RANBP2: variants seen among roughly 807,000 people sequenced by gnomAD.
RANBP2 encodes the protein RAN binding protein 2.
RANBP2 carries 57 observed loss-of-function variants against 303.6 expected under a neutral mutation model. The observed-to-expected ratio is 0.19, with a 90% CI of 0.15 to 0.23. RANBP2 has a LOEUF of 0.23. Among genes scored for constraint, RANBP2 ranks in the 10% least tolerant of loss-of-function variants. The probability of loss-of-function intolerance (pLI) is 1.00; values close to 1 mark genes in which losing one functional copy is unlikely to be tolerated. For missense variants in RANBP2, 3,138 were observed against 3,780.8 expected (o/e 0.83, Z 4.46); for synonymous variants, 1,167 against 1,301.5 (o/e 0.90, Z 2.23).
chr2:109,739,948 T>G, the RANBP2 span, among the ~76,000 whole-genome samples: 1 of 149,886 alleles, frequency 6.7e-6, no homozygotes, highest in Non-Finnish European at 1.5e-5. Flanking sequence ...TTTATGTTAC[T>G]CTGTTACTCT....
chr2:109,280,864 A>G, the RANBP2 span, among the ~76,000 whole-genome samples: 1 of 152,180 alleles, frequency 6.6e-6, no homozygotes, highest in Non-Finnish European at 1.5e-5. Context: ...ATTATTGCAT[A>G]CCGTGTCTAA....
At chr2:109,434,059 T>A in the RANBP2 span, among the ~76,000 whole-genome samples, 1 of 152,224 alleles carries the variant, frequency 6.6e-6, no homozygotes. Context: ...TCTCTCAGCC[T>A]GCAACCGGCC....
chr2:109,083,751 C>A, the RANBP2 span, among the ~76,000 whole-genome samples: 1 of 152,088 alleles, frequency 6.6e-6, no homozygotes. Flanking sequence ...GTGGCTGCAC[C>A]CTCTTACATT....
At chr2:108,823,543 A>G in the RANBP2 span, among the ~76,000 whole-genome samples, 1 of 152,358 alleles carries the variant, frequency 6.6e-6, no homozygotes, top group Admixed American at 6.5e-5. Context: ...CCTAGGCTAT[A>G]TTAGGTAGCC....
chr2:108,737,977 G>A (rs984074896), intron 6 of RANBP2, among the ~76,000 whole-genome samples: 8 of 151,304 alleles, frequency 5.3e-5, no homozygotes, highest in Non-Finnish European at 8.8e-5. Flanking sequence ...GCCTCCCAAA[G>A]TGTTGGGATT....
chr2:109,343,990 A>C, the RANBP2 span, among the ~76,000 whole-genome samples: 1 of 152,060 alleles, frequency 6.6e-6, no homozygotes, highest in Non-Finnish European at 1.5e-5. Flanking sequence ...GTGATTTTCC[A>C]TCCTCAGCCT....
the RANBP2 span, among the ~76,000 whole-genome samples, chr2:109,032,927 T>C: frequency 1.3e-5 from 2 of 152,186 alleles, no homozygotes; most frequent in Non-Finnish European, 2.9e-5. Context: ...CAGGAGCTAA[T>C]TTTCCCTGGA....
At chr2:109,466,228 G>T in the RANBP2 span, among the ~76,000 whole-genome samples, 2 of 151,810 alleles carry the variant, frequency 1.3e-5, no homozygotes, top group African/African-American at 4.8e-5. Flanking sequence ...GACTACAGGC[G>T]CGTGCCACCA....
chr2:109,407,188 G>A, the RANBP2 span, among the ~76,000 whole-genome samples: 28 of 80,904 alleles, frequency 3.5e-4, no homozygotes, highest in Non-Finnish European at 1.0e-3. Flanking sequence ...ATTGGCCCTT[G>A]CCAGCTTCTC....
chr2:109,250,550 C>T, the RANBP2 span, among the ~76,000 whole-genome samples: 1 of 151,566 alleles, frequency 6.6e-6, no homozygotes, highest in African/African-American at 2.4e-5. Flanking sequence ...GACCGTTTTT[C>T]TTTTTCAAAA....
chr2:109,192,840 A>G, the RANBP2 span, among the ~76,000 whole-genome samples: 14 of 152,330 alleles, frequency 9.2e-5, no homozygotes, highest in Non-Finnish European at 1.8e-4. Context: ...GATTCACCAT[A>G]CATTTCTCCT....
the RANBP2 span, chr2:109,347,811 C>T: frequency 1.3e-4 from 208 of 1,613,862 alleles, no homozygotes; most frequent in Middle Eastern, 3.0e-3. Flanking sequence ...GCGAGCTGCA[C>T]GGCACACAGG....
chr2:109,473,169 A>G, the RANBP2 span, among the ~76,000 whole-genome samples: 2 of 152,170 alleles, frequency 1.3e-5, no homozygotes, highest in African/African-American at 2.4e-5. Context: ...AAGCTCTGTG[A>G]TGGATTTTCC....
chr2:108,771,878 C>T lies in RANBP2; in HGVS notation c.8020+7C>T, dbSNP rs1573831757. 2.5e-6 allele frequency: 4 copies of T among 1,613,910 alleles called. No individual in the cohort carries two copies. The highest frequency in any genetic ancestry group is 3.3e-5 in the Admixed American group (2 of 60,012). ...AGTGAAGAAGAGGAGGATGGTAAAA[C>T]TTTTGTTATTTCAAAAATCCTCTGT... On this transcript the variant is annotated splice_region_variant and intron_variant, in intron 21 of 28. Coordinates refer to ENST00000283195, the MANE Select transcript of RANBP2 (RefSeq NM_006267.5).
the RANBP2 span, chr2:109,613,801 GT>G: frequency 3.2e-6 from 4 of 1,232,902 alleles, no homozygotes; most frequent in Non-Finnish European, 4.0e-6. Context: ...GACTCACCAG[GT>G]GCCGCGCCAC....
At chr2:108,727,311 G>A (rs1573690422) in intron 1 of RANBP2, among the ~76,000 whole-genome samples, 1 of 152,126 alleles carries the variant, frequency 6.6e-6, no homozygotes, top group Non-Finnish European at 1.5e-5. Context: ...CAAATCTTTT[G>A]TCCATGAAAT....
chr2:109,220,982 T>G, the RANBP2 span, among the ~76,000 whole-genome samples: 1 of 152,246 alleles, frequency 6.6e-6, no homozygotes, highest in Admixed American at 6.5e-5. Flanking sequence ...TGTTCATAAT[T>G]GCATTATTCA....
chr2:109,359,338 T>C, the RANBP2 span, among the ~76,000 whole-genome samples: 1 of 152,250 alleles, frequency 6.6e-6, no homozygotes, highest in Non-Finnish European at 1.5e-5. Flanking sequence ...TGAGATTGTG[T>C]TAAATCTATA....
the RANBP2 span, among the ~76,000 whole-genome samples, chr2:109,432,332 T>C: frequency 6.6e-6 from 1 of 151,770 alleles, no homozygotes; most frequent in Non-Finnish European, 1.5e-5. Flanking sequence ...TTATGAGGAG[T>C]GAGCTGGGGA....
Sources: gnomAD v4.1 joint callset for allele counts (sites outside exome capture counted in the v4.1 genomes callset) on GRCh38, gnomAD v4.1.1 for gene constraint, MANE v1.5 for transcripts, NCBI Gene and HGNC (gene_info 2026-07-23, HGNC 2026-07-21) for gene names.